TCHHL1: variants seen among roughly 807,000 people sequenced by gnomAD.
TCHHL1 encodes trichohyalin-like protein 1.
Under a neutral mutation model 3.5 loss-of-function variants are expected in TCHHL1, and 1 was observed. That is an observed-to-expected ratio of 0.29 (90% confidence interval 0.10 to 1.36). The LOEUF (loss-of-function observed/expected upper bound fraction) is 1.36, where lower values mean the gene tolerates loss of function less well. Among genes scored for constraint, TCHHL1 ranks in the 40% most tolerant of loss-of-function variants. The pLI is 0.43. For synonymous variants in TCHHL1, 405 were observed against 375.3 expected, an observed-to-expected ratio of 1.08 and a Z score of -0.92; for missense variants, 1,027 against 1,032.8, an observed-to-expected ratio of 0.99 and a Z score of 0.08.
chr1:152,085,590 C>G lies in TCHHL1; in HGVS notation c.2092G>C (p.Glu698Gln). The change falls in exon 3 of 3, where the codon GAA (glutamate) becomes CAA (glutamine). Residue 698 changes from glutamate to glutamine, a missense_variant. By Grantham distance (29) the Glu-to-Gln change is conservative. Transcript: ENST00000368806. The stretch of plus-strand genomic sequence containing the variant: ...CTACTTGGGCCTTGGACCTTTAATT[C>G]ATTTCTGCTATCTCCCTTTCCAGGG... ...QLPGKGDSRNELKVQGPSSKE... is the reference protein window; with the variant it reads ...QLPGKGDSRNQLKVQGPSSKE... The G allele has an allele frequency of 6.2e-7, 1 of 1,614,168 alleles. No homozygotes were observed. The highest frequency in any genetic ancestry group is 8.5e-7 in the Non-Finnish European group (1 of 1,180,020).
rs770048897 is a variant in TCHHL1 at position 152,087,088 on chromosome 1, T to G, written c.594A>C (p.Thr198=). ...TAAGTTGGCCTTCATTGTCTTCTGT[T>G]GTTTGTATATCTTGAGCCACTTCCT... ...QSQEVAQDIQ[T]TEDNEGQLKT... is the part of the protein sequence containing the mutation. Residue 198 remains threonine, a synonymous_variant, in exon 3 of 3, where the codon ACA becomes ACC. Coordinates refer to ENST00000368806, the MANE Select transcript of TCHHL1 (RefSeq NM_001008536.2). The G allele has an allele frequency of 6.2e-7, 1 of 1,614,188 alleles. No homozygotes were observed. The highest frequency in any genetic ancestry group is 8.5e-7 in the Non-Finnish European group (1 of 1,180,032).
At position 152,086,606 on chromosome 1, in the gene TCHHL1, G is replaced by A; in HGVS notation, c.1076C>T (p.Thr359Ile). 1 of 1,614,118 alleles carries A rather than the reference G, an allele frequency of 6.2e-7. No individual in the cohort carries two copies. Reference sequence around the variant, plus strand: ...ACATTCTTTTTCTTGGGTCTCAGATGTTCTGCCATAATCCTCAGGTTCACC... The same window carrying A: ...ACATTCTTTTTCTTGGGTCTCAGATATTCTGCCATAATCCTCAGGTTCACC... The part of the protein sequence containing the change: ...NLGEPEDYGR[T>I]SETQEKECET... The change falls in exon 3 of 3, where the codon ACA (threonine) becomes ATA (isoleucine). Residue 359 changes from threonine (T) to isoleucine (I), a missense_variant. Thr to Ile is a moderately conservative substitution (Grantham distance 89, BLOSUM62 -1). This residue lies in a region of TCHHL1 where 673 missense variants were observed against 658.6 expected (regional missense o/e 1.02). Transcript: ENST00000368806.
chr1:152,087,468 C>G lies in TCHHL1; in HGVS notation c.214G>C (p.Glu72Gln). ...IDSNGIISFD[E>Q]FVLAIFNLLN... Reference sequence around the variant, plus strand: ...AAGTTGAAGATTGCAAGAACAAATTCATCAAAACTGATGATGCCATTACTG... The same window carrying G: ...AAGTTGAAGATTGCAAGAACAAATTGATCAAAACTGATGATGCCATTACTG... The change falls in exon 3 of 3, where the codon GAA becomes CAA. Residue 72 changes from glutamate (E) to glutamine (Q), a missense_variant. Transcript: ENST00000368806. 6.2e-7 allele frequency: 1 copy of G among 1,604,816 alleles called. No homozygotes were observed. Among genetic ancestry groups the G allele is most frequent in the African/African-American group, 1.3e-5 (1 of 75,040 alleles).
chr1:152,086,866 TG>T lies in TCHHL1; in HGVS notation c.815del (p.Pro272HisfsTer116), dbSNP rs754432656. On this transcript the variant is annotated frameshift_variant, in exon 3 of 3. Coordinates refer to ENST00000368806, the MANE Select transcript of TCHHL1 (RefSeq NM_001008536.2). LOFTEE classifies it low-confidence loss of function (END_TRUNC). ...SSPPKEATQR[P>X]CEDQEVRTEK... ...CTGTTCTAACTTCCTGATCTTCACA[TG>T]GTCTTTGTGTTGCTTCTTTTGGTGG... 1.9e-6 allele frequency: 3 copies of T among 1,614,184 alleles called. No homozygotes were observed. In the Admixed American group the frequency reaches 5.0e-5, roughly 27 times the overall value.
At position 152,085,107 on chromosome 1, in the gene TCHHL1, A is replaced by G. The variant is rs1273700863; in HGVS notation, c.2575T>C (p.Tyr859His). Residue 859 changes from tyrosine (Y) to histidine (H), a missense_variant, in exon 3 of 3, where the codon TAT becomes CAT. Around this residue, in one of 3 missense-constraint regions of TCHHL1, gnomAD observed 673 missense variants for 658.6 expected, o/e 1.02. Transcript: ENST00000368806. ...FFNYSQASQPYTRGLPLDESP... is the reference protein window; with the variant it reads ...FFNYSQASQPHTRGLPLDESP... ...TCATCAAGTGGAAGTCCCCTGGTAT[A>G]TGGTTGTGATGCTTGGCTGTAGTTG... is the stretch of plus-strand genomic sequence containing the variant. The G allele has an allele frequency of 2.5e-6, 4 of 1,614,018 alleles. No individual in the cohort carries two copies. The highest frequency in any genetic ancestry group is 1.1e-5 in the South Asian group (1 of 91,074).
chr1:152,086,478 T>G lies in TCHHL1; in HGVS notation c.1204A>C (p.Thr402Pro). The G allele has an allele frequency of 1.9e-6, 3 of 1,614,202 alleles. No individual in the cohort carries two copies. Among genetic ancestry groups the G allele is most frequent in the Non-Finnish European group, 1.7e-6 (2 of 1,180,030 alleles). Residue 402 changes from threonine to proline, a missense_variant, in exon 3 of 3, where the codon ACA (threonine) becomes CCA (proline). Transcript: ENST00000368806. Reference sequence around the variant, plus strand: ...CTGTCACGTTCTTTCTGCCCTGCTGTTCCATGGGCCTCAGGACCTCTCCTC... The same window carrying G: ...CTGTCACGTTCTTTCTGCCCTGCTGGTCCATGGGCCTCAGGACCTCTCCTC... ...KERRGPEAHG[T>P]AGQKERDRKT...
In TCHHL1 at chr1:152,087,113, T is replaced by A; in HGVS notation, c.569A>T (p.Gln190Leu). 1 of 1,614,230 alleles carries A rather than the reference T, an allele frequency of 6.2e-7. No homozygotes were observed. Reference protein sequence around the residue: ...NKHLEGDEQSQEVAQDIQTTE... With the variant: ...NKHLEGDEQSLEVAQDIQTTE... ...TGTTTGTATATCTTGAGCCACTTCC[T>A]GACTTTGTTCATCTCCTTCCAGGTG... The change falls in exon 3 of 3, where the codon CAG becomes CTG. Residue 190 changes from glutamine (Q) to leucine (L), a missense_variant. Gln to Leu is a moderately radical substitution (Grantham distance 113). Around this residue, in one of 3 missense-constraint regions of TCHHL1, gnomAD observed 338 missense variants for 335.9 expected, o/e 1.01. Coordinates refer to ENST00000368806, the MANE Select transcript of TCHHL1 (RefSeq NM_001008536.2).
rs1459667429 is a variant in TCHHL1, at chr1:152,086,928, C to A, written c.754G>T (p.Gly252Ter). The A allele has an allele frequency of 6.2e-7, 1 of 1,614,100 alleles. No homozygotes were observed. Among genetic ancestry groups the A allele is most frequent in the Non-Finnish European group, 8.5e-7 (1 of 1,180,028 alleles). The change falls in exon 3 of 3, where the codon GGA (glycine) becomes TGA (stop). Residue 252 changes from glycine to a stop codon, truncating the protein, a stop_gained. Coordinates refer to ENST00000368806, the MANE Select transcript of TCHHL1 (RefSeq NM_001008536.2). LOFTEE classifies it low-confidence loss of function (END_TRUNC). ...GTTGCCAAGTTTCCTTCCTGTTCTC[C>A]AAACTGGTCTCTTATCTTGGAAACA... ...QSVSKIRDQF[G>*]EQEGNLATQS...
Position 152,086,362 on chromosome 1 carries a change from T to C in TCHHL1, c.1320A>G (p.Lys440=), listed in dbSNP as rs1657725048. 1 of 1,614,172 alleles carries C rather than the reference T, an allele frequency of 6.2e-7. No individual in the cohort carries two copies. The highest frequency in any genetic ancestry group is 8.5e-7 in the Non-Finnish European group (1 of 1,179,994). Residue 440 remains lysine (K), a synonymous_variant, in exon 3 of 3, where the codon AAA becomes AAG. Transcript: ENST00000368806. The part of the protein sequence containing the change: ...QGLSKSKDAE[K]GSETQYLSSE... ...AGCTTAGATATTGTGTCTCAGAACC[T>C]TTTTCAGCATCTTTTGATTTTGATA... is the stretch of plus-strand genomic sequence containing the variant.
At chr1:152,087,906 C>T in intron 2 of TCHHL1, 100 bp downstream of exon 2, 1 of 1,394,004 alleles carries the variant, frequency 7.2e-7, no homozygotes, top group Non-Finnish European at 9.7e-7. Flanking sequence ...GAACTGTTAG[C>T]TAGGTGTAAA....
chr1:152,085,461 G>C lies in TCHHL1; in HGVS notation c.2221C>G (p.Pro741Ala), dbSNP rs141490159. Residue 741 changes from proline to alanine, a missense_variant, in exon 3 of 3, where the codon CCT becomes GCT. Physicochemically the swap from Pro to Ala is conservative, Grantham distance 27. Around this residue, in one of 3 missense-constraint regions of TCHHL1, gnomAD observed 673 missense variants for 658.6 expected, o/e 1.02. Coordinates refer to ENST00000368806, the MANE Select transcript of TCHHL1 (RefSeq NM_001008536.2). ...SLKIQLETKEPVTSEEEDESP... is the reference protein window; with the variant it reads ...SLKIQLETKEAVTSEEEDESP... ...TCATCTTCCTCCTCTGATGTTACAGGTTCCTTTGTTTCAAGTTGTATCTTG... is the reference window on the plus strand; with the variant it reads ...TCATCTTCCTCCTCTGATGTTACAGCTTCCTTTGTTTCAAGTTGTATCTTG... 4.3e-6 allele frequency: 7 copies of C among 1,614,030 alleles called. No homozygotes were observed. The highest frequency in any genetic ancestry group is 1.3e-5 in the African/African-American group (1 of 74,912).
At position 152,087,514 on chromosome 1, in the gene TCHHL1, A is replaced by T. The variant is rs143959909; in HGVS notation, c.168T>A (p.Asn56Lys). ...TACTGTCAATATTCAGAAGATTTGA[A>T]TTTTTTTCCACAGCATGAAGGACAC... ...QPCVLHAVEK[N>K]SNLLNIDSNG... Residue 56 changes from asparagine (N) to lysine (K), a missense_variant, in exon 3 of 3, where the codon AAT becomes AAA. Coordinates refer to ENST00000368806, the MANE Select transcript of TCHHL1 (RefSeq NM_001008536.2). The T allele has an allele frequency of 2.5e-5, 40 of 1,598,320 alleles. No homozygotes were observed. Among genetic ancestry groups the T allele is most frequent in the African/African-American group, 1.1e-4 (8 of 74,782 alleles).
In TCHHL1 at chr1:152,085,793, C is replaced by A; in HGVS notation, c.1889G>T (p.Arg630Ile). 1 of 1,614,186 alleles carries A rather than the reference C, an allele frequency of 6.2e-7. No individual in the cohort carries two copies. The highest frequency in any genetic ancestry group is 8.5e-7 in the Non-Finnish European group (1 of 1,180,032). The change falls in exon 3 of 3, where the codon AGA (arginine) becomes ATA (isoleucine). Residue 630 changes from arginine to isoleucine, a missense_variant. Arg to Ile is a moderately conservative substitution (Grantham distance 97). This residue lies in a region of TCHHL1 where 673 missense variants were observed against 658.6 expected (regional missense o/e 1.02). Coordinates refer to ENST00000368806, the MANE Select transcript of TCHHL1 (RefSeq NM_001008536.2). ...QLTEDQEQPA[R>I]GEHKNQGPGT... ...TGGGCCTTGATTCTTGTGTTCTCCT[C>A]TGGCAGGCTGTTCCTGGTCCTCTGT... is the stretch of plus-strand genomic sequence containing the variant.
chr1:152,085,615 G>A lies in TCHHL1; in HGVS notation c.2067C>T (p.Leu689=), dbSNP rs1364501043. 1.9e-6 allele frequency: 3 copies of A among 1,614,160 alleles called. No homozygotes were observed. In the East Asian group the frequency reaches 6.7e-5, roughly 36 times the overall value. ...DFTDQLSLMQ[L]PGKGDSRNEL... ...CATTTCTGCTATCTCCCTTTCCAGG[G>A]AGCTGCATTAGGGAAAGCTGGTCAG... Residue 689 remains leucine (L), a synonymous_variant, in exon 3 of 3, where the codon CTC becomes CTT. Transcript: ENST00000368806.
Position 152,086,517 on chromosome 1 carries a change from C to T in TCHHL1, c.1165G>A (p.Asp389Asn). ...GGACCTCTCCTCTCTTTCCTTTCAT[C>T]TCTCATGTCAGATGTTTCTGAACCA... The part of the protein sequence containing the change: ...RNGSETSDMR[D>N]ERKERRGPEA... The change falls in exon 3 of 3, where the codon GAT becomes AAT. Residue 389 changes from aspartate to asparagine, a missense_variant. By Grantham distance (23) the Asp-to-Asn change is conservative. Coordinates refer to ENST00000368806, the MANE Select transcript of TCHHL1 (RefSeq NM_001008536.2). 6.2e-7 allele frequency: 1 copy of T among 1,614,138 alleles called. No homozygotes were observed. Among genetic ancestry groups the T allele is most frequent in the African/African-American group, 1.3e-5 (1 of 75,034 alleles).
In TCHHL1 at chr1:152,084,523, A is replaced by C. The variant is rs529203523; in HGVS notation, c.*444T>G. The C allele has an allele frequency of 1.6e-3, 248 of 153,498 alleles. No homozygotes were observed. The highest frequency in any genetic ancestry group is 1.7e-3 in the Non-Finnish European group (120 of 68,624). 9.5% of individuals were successfully genotyped at this position (153,498 alleles called of 1,614,324 possible). On this transcript the variant is annotated 3_prime_UTR_variant, in exon 3 of 3. Coordinates refer to ENST00000368806, the MANE Select transcript of TCHHL1 (RefSeq NM_001008536.2). ...GGATAAAATTTTAGGATGAACTTGA[A>C]ATACTTCTAGGAAATGTCATGAAGC... is the stretch of plus-strand genomic sequence containing the variant.
rs1311824054 is a variant in TCHHL1 at position 152,088,120 on chromosome 1, G to A, written c.24C>T (p.Val8=). The A allele has an allele frequency of 6.3e-7, 1 of 1,596,932 alleles. No homozygotes were observed. Among genetic ancestry groups the A allele is most frequent in the Non-Finnish European group, 8.5e-7 (1 of 1,172,758 alleles). ...TGTGGAATGTCTCAATTACACAGAG[G>A]ACATTTCTCAGGAGCTGAGGCATCT... MPQLLRN[V]LCVIETFHKY... is the part of the protein sequence containing the mutation. Residue 8 remains valine, a synonymous_variant, in exon 2 of 3, where the codon GTC becomes GTT. Coordinates refer to ENST00000368806, the MANE Select transcript of TCHHL1 (RefSeq NM_001008536.2).
chr1:152,088,287 A>G, intron 1 of TCHHL1, 124 bp from the exon 2 acceptor site: 1 of 790,086 alleles, frequency 1.3e-6, no homozygotes. Context: ...TGTATCTTAA[A>G]ATATTATATC....
In TCHHL1 at chr1:152,086,282, TCTC is replaced by T. The variant is rs761762678; in HGVS notation, c.1397_1399del (p.Gly466del). The T allele has an allele frequency of 9.9e-6, 16 of 1,614,242 alleles. No individual in the cohort carries two copies. Among genetic ancestry groups the T allele is most frequent in the Non-Finnish European group, 1.3e-5 (15 of 1,180,046 alleles). On this transcript the variant is annotated inframe_deletion, in exon 3 of 3. Transcript: ENST00000368806. The stretch of plus-strand genomic sequence containing the variant: ...GCCTTCTTTGGTGTGTTCTGCCTCT[TCTC>T]CTGAGACTGCTGTTCCTTCAAGTTC...
Sources: gnomAD v4.1 joint callset for allele counts on GRCh38, gnomAD v4.1.1 for gene constraint, gnomAD v4.1.1 regional missense constraint, MANE v1.5 for transcripts, NCBI Gene and HGNC (gene_info 2026-07-23, HGNC 2026-07-21) for gene names.